CDH13: variants seen among roughly 807,000 people sequenced by gnomAD.
The protein encoded by CDH13 is cadherin 13.
Under a neutral mutation model 63.8 loss-of-function variants are expected in CDH13, and 24 were observed. That is an observed-to-expected ratio of 0.38 (90% CI 0.27 to 0.53). The LOEUF (loss-of-function observed/expected upper bound fraction) is 0.53, where lower values mean the gene tolerates loss of function less well. Ranked by LOEUF, CDH13 falls within the 20% of genes least tolerant of loss-of-function variation. The pLI, the probability that CDH13 is intolerant of heterozygous loss-of-function variation, is 0.85. For missense variants in CDH13, 1,049 were observed against 903.1 expected, an observed-to-expected ratio of 1.16 and a Z score of -2.07; for synonymous variants, 503 against 355.3, an observed-to-expected ratio of 1.42 and a Z score of -4.67.
intron 2 of CDH13, among the ~76,000 whole-genome samples, chr16:83,014,295 G>A (rs7498756): frequency 0.48 from 65,466 of 137,438 alleles, 14,847 homozygotes; most frequent in Admixed American, 0.52. Context: ...AGCGTGAGGA[G>A]ACAACTCTTA....
At chr16:82,944,727 T>C (rs562183460) in intron 2 of CDH13, among the ~76,000 whole-genome samples, 48 of 152,246 alleles carry the variant, frequency 3.2e-4, no homozygotes, top group African/African-American at 1.1e-3. Context: ...ACAACACATA[T>C]TTCTTCATAG....
chr16:83,695,893 C>CTTT (rs199731349), intron 10 of CDH13, among the ~76,000 whole-genome samples: 1 of 143,216 alleles, frequency 7.0e-6, no homozygotes, highest in Non-Finnish European at 1.5e-5. Flanking sequence ...TGCCAAAGAA[C>CTTT]TTTTTTTTTT....
At chr16:83,747,044 T>G (rs1278302952) in intron 10 of CDH13, among the ~76,000 whole-genome samples, 1 of 152,236 alleles carries the variant, frequency 6.6e-6, no homozygotes, top group Non-Finnish European at 1.5e-5. Context: ...AGAAACTGTT[T>G]CAAACACAAC....
At chr16:82,969,436 C>G (rs533418748) in intron 2 of CDH13, among the ~76,000 whole-genome samples, 1 of 150,750 alleles carries the variant, frequency 6.6e-6, no homozygotes, top group Admixed American at 6.6e-5. Flanking sequence ...GAATACCTGC[C>G]TTAGGAAATC....
At position 83,796,257 on chromosome 16, in the gene CDH13, T is replaced by A. The variant is rs1567602775; in HGVS notation, c.*1227T>A. 2 of 152,348 alleles carry A rather than the reference T, an allele frequency of 1.3e-5. No individual in the cohort carries two copies. Among genetic ancestry groups the A allele is most frequent in the East Asian group, 3.9e-4 (2 of 5,192 alleles). 9.4% of individuals were successfully genotyped at this position (152,348 alleles called of 1,614,324 possible). On this transcript the variant is annotated 3_prime_UTR_variant, in exon 14 of 14. Coordinates refer to ENST00000567109, the MANE Select transcript of CDH13 (RefSeq NM_001257.5). ...TGAATCATCAAAGCTCACACCAAAT[T>A]TTTCTATCAAATAAAACTAGTGACA...
At chr16:82,690,421 T>A (rs1915532779) in intron 1 of CDH13, among the ~76,000 whole-genome samples, 1 of 152,062 alleles carries the variant, frequency 6.6e-6, no homozygotes, top group Non-Finnish European at 1.5e-5. Flanking sequence ...TATCTAAGAG[T>A]CATGTTCTCT....
intron 8 of CDH13, among the ~76,000 whole-genome samples, chr16:83,606,650 C>A (rs1908359154): frequency 6.6e-6 from 1 of 150,496 alleles, no homozygotes; most frequent in African/African-American, 2.5e-5. Context: ...TCATTTGAGC[C>A]TGGAAGGTCA....
intron 6 of CDH13, among the ~76,000 whole-genome samples, chr16:83,359,486 T>C (rs563218322): frequency 1.3e-5 from 2 of 152,102 alleles, no homozygotes; most frequent in Admixed American, 1.3e-4. Context: ...CTTGCAGGAG[T>C]TGGAAAGACT....
intron 5 of CDH13, among the ~76,000 whole-genome samples, chr16:83,286,340 A>T (rs2089311770): frequency 6.6e-6 from 1 of 152,172 alleles, no homozygotes; most frequent in Non-Finnish European, 1.5e-5. Flanking sequence ...GAACCCAAAG[A>T]GTTCTATCCT....
chr16:83,146,970 C>G (rs1487823493), intron 4 of CDH13, among the ~76,000 whole-genome samples: 1 of 152,074 alleles, frequency 6.6e-6, no homozygotes, highest in African/African-American at 2.4e-5. Context: ...CACTTGTAAT[C>G]TCAGCTACCC....
intron 5 of CDH13, among the ~76,000 whole-genome samples, chr16:83,309,552 T>C (rs138383663): frequency 2.4e-4 from 36 of 152,090 alleles, no homozygotes; most frequent in Non-Finnish European, 4.4e-4. Flanking sequence ...CATTTTTGTA[T>C]TTTTAGTGAA....
intron 3 of CDH13, among the ~76,000 whole-genome samples, chr16:83,077,712 G>T (rs7192356): frequency 0.59 from 89,264 of 151,944 alleles, 26,598 homozygotes; most frequent in African/African-American, 0.7. Flanking sequence ...TTTTTCTTTC[G>T]CTTGGGTAGA....
intron 6 of CDH13, among the ~76,000 whole-genome samples, chr16:83,398,390 C>T (rs1031568995): frequency 2.0e-5 from 3 of 152,152 alleles, no homozygotes; most frequent in African/African-American, 4.8e-5. Context: ...TTTGTTTTTA[C>T]GTGGCCTCCT....
intron 5 of CDH13, among the ~76,000 whole-genome samples, chr16:83,256,674 CAAAAAAAAAA>C (rs59651612): frequency 8.6e-6 from 1 of 115,656 alleles, no homozygotes. Context: ...TACTAAAATA[CAAAAAAAAAA>C]AAAAAAAAAA....
intron 5 of CDH13, among the ~76,000 whole-genome samples, chr16:83,295,133 A>G (rs1414753449): frequency 6.6e-6 from 1 of 152,190 alleles, no homozygotes; most frequent in Admixed American, 6.5e-5. Context: ...AATGGGGGAA[A>G]AAAACTCTTC....
At chr16:83,356,107 C>A (rs4782777) in intron 6 of CDH13, among the ~76,000 whole-genome samples, 1 of 151,928 alleles carries the variant, frequency 6.6e-6, no homozygotes, top group Non-Finnish European at 1.5e-5. Flanking sequence ...CACCCACTGT[C>A]CTTTAACTAT....
At chr16:82,957,759 C>G (rs142054588) in intron 2 of CDH13, among the ~76,000 whole-genome samples, 2 of 152,282 alleles carry the variant, frequency 1.3e-5, no homozygotes, top group East Asian at 3.9e-4. Flanking sequence ...GGGATAATAT[C>G]TAGAAATTAC....
chr16:83,193,644 C>T (rs2151758153), intron 4 of CDH13, among the ~76,000 whole-genome samples: 1 of 152,340 alleles, frequency 6.6e-6, no homozygotes, highest in South Asian at 2.1e-4. Flanking sequence ...TTGAGAGCTC[C>T]TGTCTTCATC....
At chr16:83,311,869 T>C (rs2090007866) in intron 5 of CDH13, among the ~76,000 whole-genome samples, 2 of 151,960 alleles carry the variant, frequency 1.3e-5, no homozygotes, top group African/African-American at 4.8e-5. Flanking sequence ...GAGGTTAGGA[T>C]TTCGAGACCA....
Sources: gnomAD v4.1 joint callset for allele counts (sites outside exome capture counted in the v4.1 genomes callset) on GRCh38, gnomAD v4.1.1 for gene constraint, MANE v1.5 for transcripts, NCBI Gene and HGNC (gene_info 2026-07-23, HGNC 2026-07-21) for gene names.